The following SLC15A2 variants were observed in gnomAD, a reference collection of about 807,000 sequenced individuals.
The protein encoded by SLC15A2 is kidney H(+)/peptide cotransporter.
Under a neutral mutation model 95.5 loss-of-function variants are expected in SLC15A2, and 77 were observed. The observed-to-expected ratio is 0.81, with a 90% CI of 0.67 to 0.97. The LOEUF (loss-of-function observed/expected upper bound fraction) is 0.97, where lower values mean the gene tolerates loss of function less well. Among genes scored for constraint, SLC15A2 ranks in the 50% least tolerant of loss-of-function variants. The probability of loss-of-function intolerance (pLI) is 0.00; values close to 1 mark genes in which losing one functional copy is unlikely to be tolerated. For missense variants in SLC15A2, 893 were observed against 874.4 expected, an observed-to-expected ratio of 1.02 and a Z score of -0.27; for synonymous variants, 306 against 306.9, an observed-to-expected ratio of 1.00 and a Z score of 0.03.
intron 19 of SLC15A2, among the ~76,000 whole-genome samples, chr3:121,932,867 C>T (rs1309760762): frequency 7.2e-5 from 11 of 152,110 alleles, no homozygotes; most frequent in Non-Finnish European, 1.5e-4. Context: ...CCCACTAACT[C>T]GTCATCTAGC....
chr3:121,940,182 T>A (rs1435677202), intron 20 of SLC15A2, among the ~76,000 whole-genome samples: 1 of 152,182 alleles, frequency 6.6e-6, no homozygotes, highest in Non-Finnish European at 1.5e-5. Flanking sequence ...TTATATGACA[T>A]AATGAGTTTA....
chr3:121,940,598 G>C, intron 21 of SLC15A2, 110 bp downstream of exon 21: 1 of 962,090 alleles, frequency 1.0e-6, no homozygotes, highest in Non-Finnish European at 1.6e-6. Context: ...TCAGTGCTGT[G>C]ACATGAAATG....
chr3:121,937,830 G>A (rs1710378216), intron 19 of SLC15A2, among the ~76,000 whole-genome samples: 1 of 152,164 alleles, frequency 6.6e-6, no homozygotes, highest in African/African-American at 2.4e-5. Flanking sequence ...CTTTGGAGGA[G>A]GAGAGGTGCT....
chr3:121,940,483 G>T lies in SLC15A2; in HGVS notation c.2008G>T (p.Val670Leu). Residue 670 changes from valine (V) to leucine (L), a missense_variant, in exon 21 of 22, where the codon GTA (valine) becomes TTA (leucine). Val to Leu is a conservative substitution (Grantham distance 32). Coordinates refer to ENST00000489711, the MANE Select transcript of SLC15A2 (RefSeq NM_021082.4). ...VLVVAQFSGL[V>L]QWAEFILFSC... The stretch of plus-strand genomic sequence containing the variant: ...TGTTGTGGCACAGTTCAGTGGCCTG[G>T]TACAGGTATGGATCTGAGGGAAGCA... The T allele has an allele frequency of 6.2e-7, 1 of 1,612,004 alleles. No homozygotes were observed.
chr3:121,940,537 C>T (rs764383843), intron 21 of SLC15A2, 49 bp downstream of exon 21: 1 of 1,450,348 alleles, frequency 6.9e-7, no homozygotes, highest in Non-Finnish European at 9.7e-7. Context: ...GTTTTTCCTC[C>T]AGCTTTCTCT....
chr3:121,939,455 T>C lies in SLC15A2; in HGVS notation c.1868T>C (p.Val623Ala). The C allele has an allele frequency of 6.5e-7, 1 of 1,537,834 alleles. No homozygotes were observed. Among genetic ancestry groups the C allele is most frequent in the Non-Finnish European group, 8.7e-7 (1 of 1,144,678 alleles). The change falls in exon 20 of 22, where the codon GTC (valine) becomes GCC (alanine). Residue 623 changes from valine to alanine, a missense_variant. Coordinates refer to ENST00000489711, the MANE Select transcript of SLC15A2 (RefSeq NM_021082.4). ...TATGCCCTGGTTACAGCTGGGGAGG[T>C]CATGTTCTCTGTCACAGGTCTTGAG... is the stretch of plus-strand genomic sequence containing the variant. ...PQYALVTAGE[V>A]MFSVTGLEFS... is the part of the protein sequence containing the mutation.
intron 11 of SLC15A2, among the ~76,000 whole-genome samples, 185 bp downstream of exon 11, chr3:121,923,451 T>C (rs1710049190): frequency 6.6e-6 from 1 of 152,186 alleles, no homozygotes; most frequent in African/African-American, 2.4e-5. Flanking sequence ...CAGAATCTTC[T>C]CTTTAGAAAT....
At chr3:121,932,025 C>T (rs3792597) in intron 19 of SLC15A2, among the ~76,000 whole-genome samples, 62,984 of 151,876 alleles carry the variant, frequency 0.41, 13,593 homozygotes, top group East Asian at 0.69. Flanking sequence ...TCAACCTCCC[C>T]GAGTATCTGG....
Position 121,940,389 on chromosome 3 carries a change from C to T in SLC15A2, c.1914C>T (p.Pro638=), listed in dbSNP as rs1041517228. The change falls in exon 21 of 22, where the codon CCC becomes CCT. Residue 638 remains proline, a synonymous_variant. Transcript: ENST00000489711. ...TGLEFSYSQA[P]SSMKSVLQAA... ...CAAACTTGTGTCATCCCCAGGCTCC[C>T]TCTAGCATGAAATCTGTGCTCCAGG... 1.9e-6 allele frequency: 3 copies of T among 1,613,554 alleles called. No homozygotes were observed. The highest frequency in any genetic ancestry group is 2.7e-5 in the African/African-American group (2 of 74,914).
intron 11 of SLC15A2, among the ~76,000 whole-genome samples, chr3:121,923,798 T>C (rs1036431123): frequency 1.3e-5 from 2 of 152,252 alleles, no homozygotes; most frequent in African/African-American, 4.8e-5. Flanking sequence ...CCTAGATTAG[T>C]GTATTATTTT....
Position 121,940,397 on chromosome 3 carries a change from T to C in SLC15A2, c.1922T>C (p.Met641Thr), listed in dbSNP as rs1434497691. 5 of 1,614,046 alleles carry C rather than the reference T, an allele frequency of 3.1e-6. No homozygotes were observed. The highest frequency in any genetic ancestry group is 4.2e-6 in the Non-Finnish European group (5 of 1,179,910). Residue 641 changes from methionine (M) to threonine (T), a missense_variant, in exon 21 of 22, where the codon ATG becomes ACG. Transcript: ENST00000489711. ...TGTCATCCCCAGGCTCCCTCTAGCA[T>C]GAAATCTGTGCTCCAGGCAGCTTGG... ...EFSYSQAPSS[M>T]KSVLQAAWLL...
At chr3:121,926,673 G>A (rs952896644) in intron 13 of SLC15A2, among the ~76,000 whole-genome samples, 1 of 152,242 alleles carries the variant, frequency 6.6e-6, no homozygotes, top group Non-Finnish European at 1.5e-5. Flanking sequence ...CCCACACAGA[G>A]TCCCCACAAG....
chr3:121,899,442 C>T (rs995573195), intron 3 of SLC15A2, among the ~76,000 whole-genome samples: 1 of 152,104 alleles, frequency 6.6e-6, no homozygotes, highest in African/African-American at 2.4e-5. Context: ...TCTTTTCCTT[C>T]AACTAGAAGC....
intron 19 of SLC15A2, among the ~76,000 whole-genome samples, chr3:121,938,909 C>A (rs1209322086): frequency 1.3e-5 from 2 of 152,184 alleles, no homozygotes; most frequent in Admixed American, 1.3e-4. Flanking sequence ...TTCTTTTCTA[C>A]CAGGCTGATA....
intron 7 of SLC15A2, among the ~76,000 whole-genome samples, chr3:121,918,167 T>G (rs925255988): frequency 4.6e-5 from 7 of 152,240 alleles, no homozygotes; most frequent in African/African-American, 1.7e-4. Flanking sequence ...TTAAATTTAG[T>G]GCTTGAGATG....
At chr3:121,928,263 C>A in intron 14 of SLC15A2, 158 bp from the exon 15 acceptor site, 1 of 795,714 alleles carries the variant, frequency 1.3e-6, no homozygotes, top group Non-Finnish European at 2.0e-6. Context: ...CCTCTCCAAG[C>A]TGCCTTTAGA....
chr3:121,926,240 A>G (rs2107600418), intron 13 of SLC15A2, among the ~76,000 whole-genome samples: 1 of 152,280 alleles, frequency 6.6e-6, no homozygotes, highest in South Asian at 2.1e-4. Flanking sequence ...GTTGAAATGT[A>G]ATCCCCAATG....
At chr3:121,924,409 G>A (rs756027840) in intron 12 of SLC15A2, 26 bp downstream of exon 12, 2 of 1,605,488 alleles carry the variant, frequency 1.2e-6, no homozygotes, top group African/African-American at 1.3e-5. Flanking sequence ...ATAGCCATGG[G>A]GACTTATTTG....
intron 19 of SLC15A2, among the ~76,000 whole-genome samples, chr3:121,934,243 C>A (rs1046292516): frequency 6.6e-6 from 1 of 152,074 alleles, no homozygotes; most frequent in African/African-American, 2.4e-5. Context: ...CTTGGCAATG[C>A]GGGCTCTTTT....
Sources: gnomAD v4.1 joint callset for allele counts (sites outside exome capture counted in the v4.1 genomes callset) on GRCh38, gnomAD v4.1.1 for gene constraint, MANE v1.5 for transcripts, NCBI Gene and HGNC (gene_info 2026-07-23, HGNC 2026-07-21) for gene names.